The following AADAT variants were observed in gnomAD, a reference collection of about 807,000 sequenced individuals.
AADAT encodes aminoadipate aminotransferase, also known as kynurenine/alpha-aminoadipate aminotransferase, mitochondrial.
A neutral mutation model predicts 56.2 loss-of-function variants in AADAT; 25 were observed. That is an observed-to-expected ratio of 0.44 (90% CI 0.32 to 0.62). The LOEUF (loss-of-function observed/expected upper bound fraction) is 0.62. Ranked by LOEUF, AADAT falls within the 20% of genes least tolerant of loss-of-function variation. The pLI, the probability that AADAT is intolerant of heterozygous loss-of-function variation, is 0.04. For missense variants in AADAT, 387 were observed against 510.5 expected, an observed-to-expected ratio of 0.76 and a Z score of 2.33; for synonymous variants, 173 against 164.7, an observed-to-expected ratio of 1.05 and a Z score of -0.39.
chr4:170,085,420 C>T (rs772696125), intron 3 of AADAT, among the ~76,000 whole-genome samples: 4 of 152,138 alleles, frequency 2.6e-5, no homozygotes, highest in Non-Finnish European at 5.9e-5. Context: ...GAGAGAAACA[C>T]AGGAGTCTAA....
At chr4:170,071,836 A>G (rs576009891) in intron 5 of AADAT, among the ~76,000 whole-genome samples, 1 of 152,252 alleles carries the variant, frequency 6.6e-6, no homozygotes, top group East Asian at 1.9e-4. Context: ...AGGAGAAGCA[A>G]GATGTGGGGG....
Position 170,070,611 on chromosome 4 carries a change from A to G in AADAT, c.696T>C (p.Pro232=). The change falls in exon 6 of 13, where the codon CCT becomes CCC. Residue 232 remains proline, a synonymous_variant. Coordinates refer to ENST00000337664, the MANE Select transcript of AADAT (RefSeq NM_016228.4). ...KYDFLIIEDD[P]YYFLQFNKFR... ...CCTTGTTAAACTGGAGAAAATAGTAAGGATCATCTTCTATTATGAGGAAAT... is the reference window on the plus strand; with the variant it reads ...CCTTGTTAAACTGGAGAAAATAGTAGGGATCATCTTCTATTATGAGGAAAT... The G allele has an allele frequency of 6.3e-7, 1 of 1,582,780 alleles. No homozygotes were observed. The highest frequency in any genetic ancestry group is 2.3e-5 in the East Asian group (1 of 44,312).
chr4:170,077,492 G>A (rs1340340816), intron 4 of AADAT, among the ~76,000 whole-genome samples: 2 of 151,856 alleles, frequency 1.3e-5, no homozygotes, highest in East Asian at 3.8e-4. Flanking sequence ...TTTATATGTT[G>A]ATTTTCATAA....
chr4:170,066,167 T>C (rs1247886580), intron 10 of AADAT, among the ~76,000 whole-genome samples: 1 of 152,202 alleles, frequency 6.6e-6, no homozygotes, highest in Non-Finnish European at 1.5e-5. Context: ...AAGTTAGTGA[T>C]TGATTTTTAG....
At chr4:170,082,613 A>G (rs1732372016) in intron 3 of AADAT, among the ~76,000 whole-genome samples, 1 of 152,156 alleles carries the variant, frequency 6.6e-6, no homozygotes, top group African/African-American at 2.4e-5. Context: ...AATGGTCTAC[A>G]TTCTCCCATT....
At chr4:170,086,391 A>G (rs1324569759) in intron 3 of AADAT, among the ~76,000 whole-genome samples, 1 of 150,114 alleles carries the variant, frequency 6.7e-6, no homozygotes, top group African/African-American at 2.5e-5. Flanking sequence ...AACTAATGCC[A>G]GGGGGAGAGG....
chr4:170,076,799 G>T (rs1467924502), intron 4 of AADAT, among the ~76,000 whole-genome samples: 1 of 151,762 alleles, frequency 6.6e-6, no homozygotes, highest in Admixed American at 6.6e-5. Context: ...CAAATCTAAG[G>T]TCATAAAAAT....
intron 1 of AADAT, 103 bp from the exon 2 acceptor site, chr4:170,088,667 T>A: frequency 8.2e-7 from 1 of 1,212,866 alleles, no homozygotes; most frequent in Non-Finnish European, 1.2e-6. Flanking sequence ...TTTAACGATT[T>A]CTAGTGATAG....
At chr4:170,073,829 C>A (rs989478116) in intron 4 of AADAT, among the ~76,000 whole-genome samples, 4 of 152,174 alleles carry the variant, frequency 2.6e-5, no homozygotes, top group African/African-American at 9.7e-5. Flanking sequence ...AAAAATACCT[C>A]CTGTCCCTTC....
upstream of AADAT, among the ~76,000 whole-genome samples, chr4:170,093,610 G>T (rs115392821): frequency 7.4e-3 from 1,133 of 152,236 alleles, 14 homozygotes; most frequent in African/African-American, 0.026. Flanking sequence ...TTGAGAGGCA[G>T]AGTGTCTAGA....
intron 4 of AADAT, among the ~76,000 whole-genome samples, chr4:170,076,540 T>C (rs745962725): frequency 6.6e-6 from 1 of 152,204 alleles, no homozygotes; most frequent in Non-Finnish European, 1.5e-5. Context: ...TCTATTTAAG[T>C]CCTTTGTCCA....
At chr4:170,062,127 C>A in intron 11 of AADAT, 134 bp from the exon 12 acceptor site, 2 of 493,770 alleles carry the variant, frequency 4.1e-6, no homozygotes, top group Admixed American at 3.6e-5. Flanking sequence ...AGAAAAAATA[C>A]TAATTTATAT....
chr4:170,065,806 T>C (rs1220846552), intron 10 of AADAT, among the ~76,000 whole-genome samples: 2 of 152,212 alleles, frequency 1.3e-5, no homozygotes, highest in African/African-American at 4.8e-5. Flanking sequence ...CAGCCACTAA[T>C]TCTGTTTTTA....
chr4:170,090,028 G>A (rs916843363), upstream of AADAT: 1 of 155,984 alleles, frequency 6.4e-6, no homozygotes, highest in Non-Finnish European at 1.4e-5. Flanking sequence ...CCCGCGCCGT[G>A]GCCTATGGCC....
chr4:170,088,606 T>G (rs774255765), intron 1 of AADAT, 42 bp from the exon 2 acceptor site: 40 of 1,578,098 alleles, frequency 2.5e-5, no homozygotes, highest in Non-Finnish European at 3.3e-5. Flanking sequence ...TCATTGAAGA[T>G]TGTTATAAGC....
intron 4 of AADAT, among the ~76,000 whole-genome samples, chr4:170,074,632 G>T (rs1238440760): frequency 6.6e-6 from 1 of 152,078 alleles, no homozygotes; most frequent in East Asian, 1.9e-4. Context: ...GGGACCTGTA[G>T]GCCCCCTGTT....
rs571383338 is a variant in AADAT, at chr4:170,065,892, G to C, written c.1027+522C>G. Among the ~76,000 whole-genome samples the C allele has an allele frequency of 2.0e-5, 3 of 152,170 alleles. No homozygotes were observed. In the South Asian group the frequency reaches 6.2e-4, roughly 32 times the overall value. ...TTGGTTTACTATTATTTATATCAAA[G>C]GCATTTTAATAATATAATTAAAGCC... On this transcript the variant is annotated intron_variant, in intron 10 of 12. Transcript: ENST00000337664.
At chr4:170,087,293 T>G (rs771168172) in intron 2 of AADAT, 45 bp from the exon 3 acceptor site, 1 of 1,545,326 alleles carries the variant, frequency 6.5e-7, no homozygotes, top group South Asian at 1.2e-5. Context: ...GTAAAAATCA[T>G]AGTAACAGTA....
intron 10 of AADAT, among the ~76,000 whole-genome samples, chr4:170,065,487 T>C (rs1018377338): frequency 2.6e-5 from 4 of 152,080 alleles, no homozygotes; most frequent in African/African-American, 9.7e-5. Context: ...AATAATGCTA[T>C]TGTCAGAAAG....
Sources: gnomAD v4.1 joint callset for allele counts (sites outside exome capture counted in the v4.1 genomes callset) on GRCh38, gnomAD v4.1.1 for gene constraint, MANE v1.5 for transcripts, NCBI Gene and HGNC (gene_info 2026-07-23, HGNC 2026-07-21) for gene names.